Variants in NAT1 observed in about 807,000 individuals in gnomAD.
The protein encoded by NAT1 is arylamine N-acetyltransferase 1.
For synonymous variants in NAT1, 144 were observed against 122.6 expected, an observed-to-expected ratio of 1.17 and a Z score of -1.16; for missense variants, 400 against 339.2, an observed-to-expected ratio of 1.18 and a Z score of -1.41.
At chr8:18,173,146 G>GCACACACACACACACACACA (rs3038965) in intron 2 of NAT1, among the ~76,000 whole-genome samples, 4 of 146,536 alleles carry the variant, frequency 2.7e-5, no homozygotes, top group African/African-American at 9.9e-5. Context: ...ACACAGAGAT[G>GCACACACACACACACACACA]CACACACACA....
chr8:18,191,399 T>C (rs945551399), intron 2 of NAT1, among the ~76,000 whole-genome samples: 4 of 152,180 alleles, frequency 2.6e-5, no homozygotes, highest in African/African-American at 9.7e-5. Flanking sequence ...TTCTAAGATT[T>C]TTGCATTTCA....
At chr8:18,198,829 G>A (rs1377110383) in intron 2 of NAT1, among the ~76,000 whole-genome samples, 1 of 152,186 alleles carries the variant, frequency 6.6e-6, no homozygotes, top group Non-Finnish European at 1.5e-5. Context: ...TTTGGTGATG[G>A]AAGCTCAGCT....
intron 2 of NAT1, among the ~76,000 whole-genome samples, chr8:18,181,644 T>G (rs1802523820): frequency 6.6e-6 from 1 of 152,214 alleles, no homozygotes; most frequent in South Asian, 2.1e-4. Context: ...GTGGGCATAC[T>G]TGTCTTGTTC....
intron 2 of NAT1, among the ~76,000 whole-genome samples, chr8:18,201,590 G>C (rs1385799242): frequency 6.6e-6 from 1 of 152,204 alleles, no homozygotes; most frequent in Non-Finnish European, 1.5e-5. Flanking sequence ...GTCACCTGCA[G>C]GCTATAGAAA....
In NAT1 at chr8:18,171,310, C is replaced by T. The variant is rs532174660; in HGVS notation, n.92+571C>T. Among the ~76,000 whole-genome samples, 12 of 152,260 alleles carry T rather than the reference C, an allele frequency of 7.9e-5. No homozygotes were observed. The East Asian group carries it at 2.3e-3, about 29-fold the overall frequency. ...AGAAAAAACAGAGATCAGAACCACC[C>T]CCCCAAAATACTGGGATGTATTTTT... On this transcript the variant is annotated intron_variant and non_coding_transcript_variant, in intron 2 of 4. Coordinates refer to the NAT1 transcript ENST00000517441.
intron 2 of NAT1, among the ~76,000 whole-genome samples, chr8:18,180,922 T>A (rs1269567579): frequency 1.3e-5 from 2 of 152,182 alleles, no homozygotes; most frequent in African/African-American, 4.8e-5. Flanking sequence ...ATAGTATAAT[T>A]TGAGACAGCT....
Position 18,222,745 on chromosome 8 carries a change from G to C in NAT1, c.698G>C (p.Cys233Ser). The C allele has an allele frequency of 1.9e-6, 3 of 1,613,878 alleles. No individual in the cohort carries two copies. The highest frequency in any genetic ancestry group is 2.5e-6 in the Non-Finnish European group (3 of 1,179,926). ...TTGCAGACCCCAGATGGGGTTCACT[G>C]TTTGGTGGGCTTCACCCTCACCCAT... ...CSLQTPDGVH[C>S]LVGFTLTHRR... The change falls in exon 3 of 3, where the codon TGT (cysteine) becomes TCT (serine). Residue 233 changes from cysteine (C) to serine (S), a missense_variant. By Grantham distance (112) the Cys-to-Ser change is moderately radical. Coordinates refer to ENST00000307719, the MANE Select transcript of NAT1 (RefSeq NM_000662.8).
At chr8:18,192,841 G>C (rs1803057253) in intron 2 of NAT1, among the ~76,000 whole-genome samples, 1 of 151,796 alleles carries the variant, frequency 6.6e-6, no homozygotes, top group Non-Finnish European at 1.5e-5. Context: ...GGACTGTTGT[G>C]GGGTGGGGGA....
upstream of NAT1, among the ~76,000 whole-genome samples, chr8:18,208,547 G>A (rs1589098057): frequency 6.6e-6 from 1 of 152,290 alleles, no homozygotes; most frequent in East Asian, 1.9e-4. Context: ...ATAAAATAGA[G>A]GGTGGAACAA....
intron 2 of NAT1, among the ~76,000 whole-genome samples, chr8:18,202,975 CTG>C: frequency 6.6e-6 from 1 of 152,154 alleles, no homozygotes; most frequent in Non-Finnish European, 1.5e-5. Flanking sequence ...TTACAGAGTA[CTG>C]ATTGGTGCGT....
At chr8:18,192,917 C>T (rs940145159) in intron 2 of NAT1, among the ~76,000 whole-genome samples, 1 of 151,508 alleles carries the variant, frequency 6.6e-6, no homozygotes, top group Non-Finnish European at 1.5e-5. Flanking sequence ...GTGCAGCACA[C>T]CAGCATGGCA....
At chr8:18,212,169 ATAT>A (rs766482029) in intron 1 of NAT1, 1 of 152,260 alleles carries the variant, frequency 6.6e-6, no homozygotes, top group African/African-American at 2.4e-5. Context: ...TGAGTTCTGC[ATAT>A]CAACCTGCTC....
Position 18,223,105 on chromosome 8 carries a change from C to A in NAT1, c.*185C>A. On this transcript the variant is annotated 3_prime_UTR_variant, in exon 3 of 3. Transcript: ENST00000307719. Reference sequence around the variant, plus strand: ...TTTTTAAAGAAACATAACCACAAACCTTTTCAAATAATAATAATAATAATA... The same window carrying A: ...TTTTTAAAGAAACATAACCACAAACATTTTCAAATAATAATAATAATAATA... 1 of 263,710 alleles carries A rather than the reference C, an allele frequency of 3.8e-6. No individual in the cohort carries two copies. The highest frequency in any genetic ancestry group is 7.4e-5 in the East Asian group (1 of 13,510). The allele number at this position is 263,710 out of a possible 1,614,324, so 16.3% of individuals were successfully genotyped here.
At chr8:18,203,555 C>A (rs1276845441) in intron 2 of NAT1, among the ~76,000 whole-genome samples, 1 of 152,196 alleles carries the variant, frequency 6.6e-6, no homozygotes, top group Non-Finnish European at 1.5e-5. Context: ...AGGCTCTAAA[C>A]AAATGGCCAC....
chr8:18,210,399 C>T (rs1315143083), intron 1 of NAT1, among the ~76,000 whole-genome samples: 1 of 152,152 alleles, frequency 6.6e-6, no homozygotes, highest in African/African-American at 2.4e-5. Flanking sequence ...ACAGTCACAG[C>T]CACTTTATAG....
At chr8:18,206,554 G>A (rs1480164091), upstream of NAT1, among the ~76,000 whole-genome samples, 9 of 152,078 alleles carry the variant, frequency 5.9e-5, no homozygotes, top group South Asian at 2.1e-4. Context: ...GCAATTAGTC[G>A]AGAAAAAAAT....
intron 2 of NAT1, among the ~76,000 whole-genome samples, chr8:18,187,517 G>A (rs905784808): frequency 1.3e-4 from 20 of 152,156 alleles, no homozygotes; most frequent in South Asian, 8.3e-4. Context: ...GGAATACTAC[G>A]CAGCCATAAA....
intron 2 of NAT1, among the ~76,000 whole-genome samples, chr8:18,175,146 A>G (rs1802243680): frequency 2.0e-5 from 3 of 152,242 alleles, no homozygotes; most frequent in Admixed American, 1.3e-4. Flanking sequence ...TGATCTATGT[A>G]TACATTGTAG....
chr8:18,174,866 A>C (rs1424770640), intron 2 of NAT1, among the ~76,000 whole-genome samples: 1 of 152,116 alleles, frequency 6.6e-6, no homozygotes, highest in Non-Finnish European at 1.5e-5. Flanking sequence ...TCTCATGCTT[A>C]TATAGCACTA....
Sources: gnomAD v4.1 joint callset for allele counts (sites outside exome capture counted in the v4.1 genomes callset) on GRCh38, gnomAD v4.1.1 for gene constraint, MANE v1.5 for transcripts, NCBI Gene and HGNC (gene_info 2026-07-23, HGNC 2026-07-21) for gene names.